FBXO10: variants seen among roughly 807,000 people sequenced by gnomAD.
The protein encoded by FBXO10 is F-box protein 10, also known as F-box only protein 10.
A neutral mutation model predicts 80.7 loss-of-function variants in FBXO10; 39 were observed. The ratio of observed to expected loss-of-function variants is 0.48; its 90% CI spans 0.37 to 0.63. FBXO10 has a LOEUF of 0.63. Ranked by LOEUF, FBXO10 falls within the 30% of genes least tolerant of loss-of-function variation. The pLI is 0.00. For synonymous variants in FBXO10, 449 were observed against 489.6 expected, an observed-to-expected ratio of 0.92 and a Z score of 1.09; for missense variants, 1,025 against 1,269.0, an observed-to-expected ratio of 0.81 and a Z score of 2.92.
intron 1 of FBXO10, among the ~76,000 whole-genome samples, chr9:37,563,846 A>G (rs1464013599): frequency 6.6e-6 from 1 of 152,234 alleles, no homozygotes; most frequent in African/African-American, 2.4e-5. Flanking sequence ...ATTGGATGTG[A>G]TAGAAAAGAA....
In FBXO10 at chr9:37,512,464, GGGC is replaced by G; in HGVS notation, c.*80_*82del. The stretch of plus-strand genomic sequence containing the variant: ...CCATTTGTTCGAGGGGGAGGGGGAG[GGGC>G]GGAGTCTTTTCAGGCAGTATTTCCA... On this transcript the variant is annotated 3_prime_UTR_variant, in exon 11 of 11. Coordinates refer to ENST00000432825, the MANE Select transcript of FBXO10 (RefSeq NM_012166.3). The G allele has an allele frequency of 6.8e-7, 1 of 1,473,798 alleles. No homozygotes were observed. The highest frequency in any genetic ancestry group is 9.2e-7 in the Non-Finnish European group (1 of 1,085,368). The allele number at this position is 1,473,798 out of a possible 1,614,324, so 91.3% of individuals were successfully genotyped here.
Position 37,512,478 on chromosome 9 carries a change from C to G in FBXO10, c.*69G>C. The G allele has an allele frequency of 2.0e-6, 3 of 1,536,118 alleles. No homozygotes were observed. In the South Asian group the frequency reaches 3.7e-5, roughly 19 times the overall value. ...GGGAGGGGGAGGGGCGGAGTCTTTT[C>G]AGGCAGTATTTCCACCTTAGCTCCT... On this transcript the variant is annotated 3_prime_UTR_variant, in exon 11 of 11. Coordinates refer to ENST00000432825, the MANE Select transcript of FBXO10 (RefSeq NM_012166.3).
chr9:37,560,871 G>A (rs946182066), intron 1 of FBXO10, among the ~76,000 whole-genome samples: 1 of 152,082 alleles, frequency 6.6e-6, no homozygotes, highest in Non-Finnish European at 1.5e-5. Flanking sequence ...TGCTGGGCGC[G>A]GTGGCTCATG....
At chr9:37,541,089 T>C in intron 2 of FBXO10, 95 bp downstream of exon 2, 2 of 1,141,582 alleles carry the variant, frequency 1.8e-6, no homozygotes, top group South Asian at 1.5e-5. Context: ...CTCTTAACTT[T>C]CAATTCCAAC....
At position 37,529,131 on chromosome 9, in the gene FBXO10, C is replaced by G; in HGVS notation, c.1699G>C (p.Val567Leu). 6.2e-7 allele frequency: 1 copy of G among 1,613,950 alleles called. No individual in the cohort carries two copies. The highest frequency in any genetic ancestry group is 8.5e-7 in the Non-Finnish European group (1 of 1,179,864). Residue 567 changes from valine (V) to leucine (L), a missense_variant, in exon 5 of 11, where the codon GTT (valine) becomes CTT (leucine). By Grantham distance (32) the Val-to-Leu change is conservative. This residue lies in a region of FBXO10 where 478 missense variants were observed against 667.8 expected (regional missense o/e 0.72). Transcript: ENST00000432825. ...GIYILYHGNP[V>L]VSGNHIFKGR... ...GGAAACAGCAGCACACACCTCACAACGGGGTTTCCGTGGTACAGGATGTAA... is the reference window on the plus strand; with the variant it reads ...GGAAACAGCAGCACACACCTCACAAGGGGGTTTCCGTGGTACAGGATGTAA...
At chr9:37,571,307 T>A (rs1431663293) in intron 1 of FBXO10, among the ~76,000 whole-genome samples, 1 of 152,194 alleles carries the variant, frequency 6.6e-6, no homozygotes, top group African/African-American at 2.4e-5. Flanking sequence ...TTTGTCTCAC[T>A]AATCTTCCTC....
At chr9:37,520,633 G>A (rs1173426598) in intron 8 of FBXO10, among the ~76,000 whole-genome samples, 2 of 150,736 alleles carry the variant, frequency 1.3e-5, no homozygotes, top group African/African-American at 4.9e-5. Flanking sequence ...CAAAGTCCTG[G>A]GATTACAGGC....
chr9:37,545,504 C>T (rs537151432), intron 1 of FBXO10, among the ~76,000 whole-genome samples: 2 of 152,254 alleles, frequency 1.3e-5, no homozygotes, highest in East Asian at 3.9e-4. Flanking sequence ...GAAAATTGTT[C>T]TTCTACTCAT....
chr9:37,528,898 G>A (rs1370978390), intron 5 of FBXO10, among the ~76,000 whole-genome samples: 2 of 152,212 alleles, frequency 1.3e-5, no homozygotes, highest in African/African-American at 2.4e-5. Context: ...AGCAGAGCCT[G>A]CCCATGTTGG....
chr9:37,552,508 C>T (rs1304107715), intron 1 of FBXO10, among the ~76,000 whole-genome samples: 1 of 151,910 alleles, frequency 6.6e-6, no homozygotes, highest in African/African-American at 2.4e-5. Flanking sequence ...ACGGTGAAAC[C>T]CCGTCTCTAC....
intron 10 of FBXO10, among the ~76,000 whole-genome samples, chr9:37,513,213 G>C (rs1821107179): frequency 6.6e-6 from 1 of 151,754 alleles, no homozygotes; most frequent in Non-Finnish European, 1.5e-5. Context: ...TGCCCAAGCC[G>C]GTCTTAAACT....
At chr9:37,532,439 T>A (rs1474451048) in intron 3 of FBXO10, among the ~76,000 whole-genome samples, 1 of 152,064 alleles carries the variant, frequency 6.6e-6, no homozygotes, top group African/African-American at 2.4e-5. Context: ...TAGCTGGGGC[T>A]ACAGGCTAAT....
chr9:37,552,966 C>T (rs1822239703), intron 1 of FBXO10, among the ~76,000 whole-genome samples: 1 of 151,688 alleles, frequency 6.6e-6, no homozygotes. Flanking sequence ...CCAATACATA[C>T]ATTTTGGGGG....
intron 2 of FBXO10, among the ~76,000 whole-genome samples, chr9:37,538,505 C>G (rs1309144344): frequency 2.6e-5 from 4 of 151,996 alleles, no homozygotes. Context: ...GTCAGGAGTT[C>G]GAGACCAGCC....
intron 7 of FBXO10, 44 bp from the exon 8 acceptor site, chr9:37,521,882 G>A (rs1821357207): frequency 1.3e-6 from 2 of 1,515,464 alleles, no homozygotes; most frequent in Non-Finnish European, 8.8e-7. Flanking sequence ...GAACTCAGGT[G>A]AAGCGGCACC....
At chr9:37,533,882 A>C (rs1821689520) in intron 3 of FBXO10, among the ~76,000 whole-genome samples, 1 of 151,940 alleles carries the variant, frequency 6.6e-6, no homozygotes, top group Admixed American at 6.6e-5. Context: ...CAAAAAAAAA[A>C]AAACAAAAAA....
At chr9:37,516,131 C>CT in intron 9 of FBXO10, 46 bp from the exon 10 acceptor site, 3 of 1,581,584 alleles carry the variant, frequency 1.9e-6, no homozygotes, top group Non-Finnish European at 2.6e-6. Context: ...GATTCACAGA[C>CT]TGAGTGGGAG....
chr9:37,560,540 C>T (rs529998608), intron 1 of FBXO10, among the ~76,000 whole-genome samples: 1 of 152,292 alleles, frequency 6.6e-6, no homozygotes, highest in African/African-American at 2.4e-5. Flanking sequence ...TGCACATTTC[C>T]TATCATTCCA....
chr9:37,558,906 G>T (rs890931951), intron 1 of FBXO10, among the ~76,000 whole-genome samples: 2 of 151,934 alleles, frequency 1.3e-5, no homozygotes, highest in African/African-American at 4.8e-5. Context: ...CACCTCCCAG[G>T]TTTAACTGAT....
Sources: gnomAD v4.1 joint callset for allele counts (sites outside exome capture counted in the v4.1 genomes callset) on GRCh38, gnomAD v4.1.1 for gene constraint, gnomAD v4.1.1 regional missense constraint, MANE v1.5 for transcripts, NCBI Gene and HGNC (gene_info 2026-07-23, HGNC 2026-07-21) for gene names.